EPC1: variants seen among roughly 807,000 people sequenced by gnomAD.
EPC1 encodes enhancer of polycomb 1.
A neutral mutation model predicts 98.4 loss-of-function variants in EPC1; 12 were observed. The ratio of observed to expected loss-of-function variants is 0.12; its 90% CI spans 0.08 to 0.20. The LOEUF (loss-of-function observed/expected upper bound fraction) is 0.20, where lower values mean the gene tolerates loss of function less well. Ranked by LOEUF, EPC1 falls within the 10% of genes least tolerant of loss-of-function variation. The pLI is 1.00. For synonymous variants in EPC1, 357 were observed against 363.9 expected, an observed-to-expected ratio of 0.98 and a Z score of 0.21; for missense variants, 729 against 990.5, an observed-to-expected ratio of 0.74 and a Z score of 3.54.
chr10:32,368,125 A>G (rs1839651537), intron 1 of EPC1, among the ~76,000 whole-genome samples: 3 of 152,184 alleles, frequency 2.0e-5, no homozygotes, highest in Admixed American at 2.0e-4. Flanking sequence ...GTTTCCCTCC[A>G]CAATGCCAAT....
rs1835720764 is a variant in EPC1 at position 32,269,262 on chromosome 10, G to T, written c.2370-127C>A. On this transcript the variant is annotated intron_variant, in intron 13 of 13. Coordinates refer to ENST00000319778, the MANE Select transcript of EPC1 (RefSeq NM_001272004.3). ...AATTGGACTCTTTGGGAACAAGCTAGCAAGTAGAGGAATACGAATCTTTAT... is the reference window on the plus strand; with the variant it reads ...AATTGGACTCTTTGGGAACAAGCTATCAAGTAGAGGAATACGAATCTTTAT... 7.4e-6 allele frequency: 5 copies of T among 675,140 alleles called. No homozygotes were observed. In the South Asian group the frequency reaches 9.3e-5, roughly 13 times the overall value. The allele number at this position is 675,140 out of a possible 1,614,324, so 41.8% of individuals were successfully genotyped here. A position where few individuals can be genotyped will look rare whatever the true frequency, so the allele number is the denominator to read the frequency against.
intron 1 of EPC1, among the ~76,000 whole-genome samples, chr10:32,339,819 TAAG>T (rs935224542): frequency 1.1e-4 from 17 of 152,274 alleles, no homozygotes; most frequent in African/African-American, 3.9e-4. Flanking sequence ...TCAGAAGACT[TAAG>T]AAATGCAGAG....
intron 10 of EPC1, 127 bp from the exon 11 acceptor site, chr10:32,273,408 T>C: frequency 1.7e-6 from 2 of 1,201,302 alleles, no homozygotes; most frequent in African/African-American, 1.5e-5. Flanking sequence ...ATCATGATCC[T>C]GCTAAAGATC....
intron 2 of EPC1, among the ~76,000 whole-genome samples, chr10:32,302,576 G>A (rs1241254034): frequency 6.7e-6 from 1 of 149,066 alleles, no homozygotes; most frequent in Admixed American, 6.8e-5. Context: ...CTTCAATCTA[G>A]GAAGCGGAGG....
intron 11 of EPC1, 96 bp downstream of exon 11, chr10:32,273,067 G>T: frequency 6.2e-7 from 1 of 1,614,122 alleles, no homozygotes; most frequent in Non-Finnish European, 8.5e-7. Context: ...CTTTTCTGCT[G>T]GTTAGATGCA....
intron 1 of EPC1, among the ~76,000 whole-genome samples, chr10:32,334,066 A>C (rs1383733354): frequency 1.3e-5 from 2 of 152,250 alleles, no homozygotes; most frequent in African/African-American, 2.4e-5. Flanking sequence ...GTGGAGAAAC[A>C]ACCACATGCC....
Position 32,345,172 on chromosome 10 carries a change from C to T in EPC1, c.153+1591G>A, listed in dbSNP as rs548507353. Reference sequence around the variant, plus strand: ...CACTTATTAAAAAATAAACAAATGGCCATGCTACTCTAAAGTTGATACAAG... The same window carrying T: ...CACTTATTAAAAAATAAACAAATGGTCATGCTACTCTAAAGTTGATACAAG... On this transcript the variant is annotated intron_variant, in intron 1 of 13. Transcript: ENST00000319778. The T allele has an allele frequency of 2.4e-5, 24 of 981,804 alleles. No individual in the cohort carries two copies. The African/African-American group carries it at 2.8e-4, about 11-fold the overall frequency. The allele number at this position is 981,804 out of a possible 1,614,324, so 60.8% of individuals were successfully genotyped here. A position where few individuals can be genotyped will look rare whatever the true frequency, so the allele number is the denominator to read the frequency against.
chr10:32,346,551 G>T (rs983753915), intron 1 of EPC1: 1 of 569,188 alleles, frequency 1.8e-6, no homozygotes, highest in Admixed American at 3.1e-5. Context: ...AAGTGGCCAG[G>T]GTCAGCGGGT....
At chr10:32,356,193 A>C (rs1357791689) in intron 1 of EPC1, among the ~76,000 whole-genome samples, 1 of 152,222 alleles carries the variant, frequency 6.6e-6, no homozygotes, top group African/African-American at 2.4e-5. Context: ...CTGTTTTCTT[A>C]CTGAAACTTG....
intron 6 of EPC1, among the ~76,000 whole-genome samples, chr10:32,288,110 G>T (rs1836790404): frequency 6.6e-6 from 1 of 152,102 alleles, no homozygotes; most frequent in Admixed American, 6.6e-5. Context: ...TACATTTTAT[G>T]TAGTTTATGA....
intron 10 of EPC1, chr10:32,283,774 T>G (rs963045055): frequency 6.6e-6 from 1 of 152,222 alleles, no homozygotes; most frequent in Non-Finnish European, 1.5e-5. Flanking sequence ...ATTAGTCAAG[T>G]TTTTGGGGAG....
chr10:32,372,022 A>T (rs575253151), intron 1 of EPC1, among the ~76,000 whole-genome samples: 1 of 152,326 alleles, frequency 6.6e-6, no homozygotes, highest in Non-Finnish European at 1.5e-5. Context: ...CCTTTTGCCA[A>T]AAATTAAATG....
chr10:32,367,187 T>G (rs1839626172), intron 1 of EPC1, among the ~76,000 whole-genome samples: 1 of 151,982 alleles, frequency 6.6e-6, no homozygotes, highest in Non-Finnish European at 1.5e-5. Context: ...GTAGAGGTAT[T>G]GCCATGTTGG....
At chr10:32,366,603 C>T (rs1218423795) in intron 1 of EPC1, among the ~76,000 whole-genome samples, 1 of 104,508 alleles carries the variant, frequency 9.6e-6, no homozygotes, top group Non-Finnish European at 2.2e-5. Flanking sequence ...TAAGAATAGT[C>T]TGCCATCAAT....
rs755009568 is a variant in EPC1, at chr10:32,284,814, T to G, written c.1628A>C (p.Glu543Ala). The G allele has an allele frequency of 6.2e-7, 1 of 1,614,208 alleles. No homozygotes were observed. Among genetic ancestry groups the G allele is most frequent in the Admixed American group, 1.7e-5 (1 of 60,032 alleles). Residue 543 changes from glutamate (E) to alanine (A), a missense_variant, in exon 10 of 14, where the codon GAA (glutamate) becomes GCA (alanine). Transcript: ENST00000319778. ...TPSLHDSDND[E>A]LSCRKLYRSI... The stretch of plus-strand genomic sequence containing the variant: ...CCTATATAATTTTCTACAGGAGAGT[T>G]CATCATTGTCACTGTCATGTAGGGA...
chr10:32,360,931 G>GTGGT (rs1839427078), intron 1 of EPC1, among the ~76,000 whole-genome samples: 1 of 150,782 alleles, frequency 6.6e-6, no homozygotes, highest in East Asian at 2.0e-4. Context: ...AGTAATCAAT[G>GTGGT]TGGTCTCTCT....
At chr10:32,350,864 T>A (rs141987954), upstream of EPC1, among the ~76,000 whole-genome samples, 1 of 152,356 alleles carries the variant, frequency 6.6e-6, no homozygotes, top group East Asian at 1.9e-4. Flanking sequence ...CCAAGTCTTA[T>A]GATTTCTTCT....
chr10:32,304,576 T>C (rs1053505079), intron 2 of EPC1, among the ~76,000 whole-genome samples: 1 of 152,092 alleles, frequency 6.6e-6, no homozygotes, highest in Non-Finnish European at 1.5e-5. Context: ...AAAAACAAAA[T>C]AGGTTTACGC....
At chr10:32,296,231 G>T (rs776582871) in intron 2 of EPC1, among the ~76,000 whole-genome samples, 2 of 151,992 alleles carry the variant, frequency 1.3e-5, no homozygotes, top group Non-Finnish European at 2.9e-5. Context: ...CACCGCGCCC[G>T]GCCAATGTTC....
Sources: gnomAD v4.1 joint callset for allele counts (sites outside exome capture counted in the v4.1 genomes callset) on GRCh38, gnomAD v4.1.1 for gene constraint, MANE v1.5 for transcripts, NCBI Gene and HGNC (gene_info 2026-07-23, HGNC 2026-07-21) for gene names.